The following ZNF18 variants were observed in gnomAD, a reference collection of about 807,000 sequenced individuals.
The protein encoded by ZNF18 is zinc finger protein 18.
A neutral mutation model predicts 58.1 loss-of-function variants in ZNF18; 42 were observed. The observed-to-expected ratio is 0.72, with a 90% CI of 0.56 to 0.93. ZNF18 has a LOEUF of 0.93. Ranked by LOEUF, ZNF18 falls within the 40% of genes least tolerant of loss-of-function variation. The pLI, the probability that ZNF18 is intolerant of heterozygous loss-of-function variation, is 0.00. For synonymous variants in ZNF18, 231 were observed against 239.8 expected (o/e 0.96, Z 0.34); for missense variants, 540 against 644.2 (o/e 0.84, Z 1.75).
chr17:11,992,101 A>G (rs1042741356), intron 2 of ZNF18, among the ~76,000 whole-genome samples: 1 of 152,190 alleles, frequency 6.6e-6, no homozygotes, highest in Non-Finnish European at 1.5e-5. Flanking sequence ...TCCTTCCCTG[A>G]GTTCTGTAAG....
At position 11,990,965 on chromosome 17, in the gene ZNF18, C is replaced by T. The variant is rs942569774; in HGVS notation, c.577+9G>A. On this transcript the variant is annotated intron_variant, in intron 3 of 6. Coordinates refer to ENST00000580306, the MANE Select transcript of ZNF18 (RefSeq NM_001303281.2). ...TCTCCAAGAGAACACCACACAGCAC[C>T]ATCCTCACCTAGTTCTGCTTCTGTG... The T allele has an allele frequency of 1.9e-6, 3 of 1,611,128 alleles. No homozygotes were observed. Among genetic ancestry groups the T allele is most frequent in the Non-Finnish European group, 2.5e-6 (3 of 1,178,258 alleles).
intron 2 of ZNF18, among the ~76,000 whole-genome samples, chr17:11,992,160 G>T (rs1009467804): frequency 6.6e-6 from 1 of 152,112 alleles, no homozygotes; most frequent in African/African-American, 2.4e-5. Context: ...GGGAACCTCC[G>T]AATTTATAGC....
At chr17:12,008,731 C>G in the ZNF18 span, among the ~76,000 whole-genome samples, 6 of 152,274 alleles carry the variant, frequency 3.9e-5, no homozygotes, top group East Asian at 9.7e-4. Context: ...CTGCCCTTGC[C>G]AAATCCCTTA....
At chr17:11,989,625 G>A (rs910376028) in intron 4 of ZNF18, among the ~76,000 whole-genome samples, 10 of 152,142 alleles carry the variant, frequency 6.6e-5, no homozygotes, top group African/African-American at 2.4e-4. Flanking sequence ...TAGATGCTGT[G>A]AGATGAAAAG....
chr17:11,987,962 C>T (rs73300430), intron 4 of ZNF18, among the ~76,000 whole-genome samples: 6,192 of 152,220 alleles, frequency 0.041, 410 homozygotes, highest in African/African-American at 0.14. Context: ...CTACTGCCTT[C>T]TCTATTTTCA....
intron 4 of ZNF18, 117 bp downstream of exon 4, chr17:11,990,345 T>G (rs570642843): frequency 1.5e-4 from 120 of 777,014 alleles, no homozygotes; most frequent in South Asian, 8.3e-4. Context: ...TAACATATGG[T>G]GACAGACAGC....
intron 6 of ZNF18, among the ~76,000 whole-genome samples, chr17:11,982,195 T>C (rs1222670539): frequency 2.0e-5 from 3 of 152,242 alleles, no homozygotes; most frequent in Non-Finnish European, 4.4e-5. Flanking sequence ...AATAAATGTT[T>C]GTTGTTTAAG....
chr17:11,984,683 T>A (rs1379017630), intron 4 of ZNF18, among the ~76,000 whole-genome samples: 1 of 151,962 alleles, frequency 6.6e-6, no homozygotes, highest in African/African-American at 2.4e-5. Flanking sequence ...CCTGGCTAAT[T>A]TTTGTATTTT....
At chr17:12,012,149 A>G in the ZNF18 span, among the ~76,000 whole-genome samples, 1 of 152,200 alleles carries the variant, frequency 6.6e-6, no homozygotes, top group Non-Finnish European at 1.5e-5. Flanking sequence ...AATTTTCATT[A>G]TTTTCAGTAT....
At chr17:12,015,415 T>C in the ZNF18 span, among the ~76,000 whole-genome samples, 2 of 152,228 alleles carry the variant, frequency 1.3e-5, no homozygotes, top group African/African-American at 2.4e-5. Flanking sequence ...ATTATATTAG[T>C]TGGACAAATT....
Position 11,993,522 on chromosome 17 carries a change from G to T in ZNF18, c.-82-611C>A, listed in dbSNP as rs534174134. 2.0e-5 allele frequency: 3 copies of T among 152,278 alleles called. No individual in the cohort carries two copies. In the South Asian group the frequency reaches 6.2e-4, roughly 32 times the overall value. 9.4% of individuals were successfully genotyped at this position (152,278 alleles called of 1,614,324 possible). ...CATACCTGACACTTTCAACCTTGGGGTTAAAGAGGGTGAGAAGGCTGGGCA... is the reference window on the plus strand; with the variant it reads ...CATACCTGACACTTTCAACCTTGGGTTTAAAGAGGGTGAGAAGGCTGGGCA... On this transcript the variant is annotated intron_variant, in intron 1 of 6. Transcript: ENST00000580306.
At chr17:12,010,180 G>T in the ZNF18 span, among the ~76,000 whole-genome samples, 1 of 151,924 alleles carries the variant, frequency 6.6e-6, no homozygotes, top group Admixed American at 6.6e-5. Context: ...TACTATCAAT[G>T]AATTTCACTG....
rs1967579905 is a variant in ZNF18 at position 11,984,254 on chromosome 17, A to G, written c.667-57T>C. The G allele has an allele frequency of 1.0e-5, 16 of 1,527,912 alleles. No homozygotes were observed. In the South Asian group the frequency reaches 1.9e-4, roughly 18 times the overall value. 94.6% of individuals were successfully genotyped at this position (1,527,912 alleles called of 1,614,324 possible). ...CCATGACTCCAATGAAGGTGTTTGA[A>G]CCTGCCTTCCCTGCCTAAAGGAAAG... is the stretch of plus-strand genomic sequence containing the variant. On this transcript the variant is annotated intron_variant, in intron 4 of 6. Coordinates refer to ENST00000580306, the MANE Select transcript of ZNF18 (RefSeq NM_001303281.2).
intron 4 of ZNF18, 97 bp downstream of exon 4, chr17:11,990,360 CAGAGG>C: frequency 1.0e-6 from 1 of 956,722 alleles, no homozygotes. Context: ...GACAGCAGAT[CAGAGG>C]TTTCCTCAGG....
chr17:11,997,373 A>G (rs1012829838), intron 1 of ZNF18, 58 bp downstream of exon 1: 6 of 152,294 alleles, frequency 3.9e-5, no homozygotes, highest in African/African-American at 1.4e-4. Context: ...GGACGCAGAT[A>G]GCGCAAGGCC....
At chr17:11,986,457 A>G (rs1235634466) in intron 4 of ZNF18, among the ~76,000 whole-genome samples, 1 of 152,216 alleles carries the variant, frequency 6.6e-6, no homozygotes, top group Non-Finnish European at 1.5e-5. Flanking sequence ...CAAACGAAAG[A>G]GGGTTTGGAC....
At chr17:12,018,209 G>A in the ZNF18 span, among the ~76,000 whole-genome samples, 227 of 152,212 alleles carry the variant, frequency 1.5e-3, 3 homozygotes, top group Non-Finnish European at 8.5e-4. Flanking sequence ...TTGCCTTCCC[G>A]TCTCCCCAGT....
chr17:11,996,402 G>A (rs964040544), intron 1 of ZNF18, among the ~76,000 whole-genome samples: 3 of 152,104 alleles, frequency 2.0e-5, no homozygotes, highest in Admixed American at 2.0e-4. Flanking sequence ...TAAGATAGCA[G>A]TTTAGATAAT....
At chr17:12,004,199 C>G in the ZNF18 span, among the ~76,000 whole-genome samples, 2 of 151,774 alleles carry the variant, frequency 1.3e-5, no homozygotes, top group Admixed American at 6.6e-5. Flanking sequence ...CCACTGCACT[C>G]CAGCCTGGGT....
Sources: gnomAD v4.1 joint callset for allele counts (sites outside exome capture counted in the v4.1 genomes callset) on GRCh38, gnomAD v4.1.1 for gene constraint, MANE v1.5 for transcripts, NCBI Gene and HGNC (gene_info 2026-07-23, HGNC 2026-07-21) for gene names.